Variants in DLG2 observed in about 807,000 individuals in gnomAD.
DLG2 encodes the protein disks large homolog 2.
A neutral mutation model predicts 132.5 loss-of-function variants in DLG2; 45 were observed. That is an observed-to-expected ratio of 0.34 (90% CI 0.27 to 0.44). The LOEUF is 0.44. DLG2 is among the 20% of genes least tolerant of loss of function. The pLI, the probability that DLG2 is intolerant of heterozygous loss-of-function variation, is 1.00. For missense variants in DLG2, 1,045 were observed against 1,196.9 expected, an observed-to-expected ratio of 0.87 and a Z score of 1.87; for synonymous variants, 424 against 419.6, an observed-to-expected ratio of 1.01 and a Z score of -0.13.
chr11:85,114,680 C>T (rs2073288549), intron 5 of DLG2, among the ~76,000 whole-genome samples: 1 of 151,906 alleles, frequency 6.6e-6, no homozygotes, highest in African/African-American at 2.4e-5. Context: ...TATTTCATTC[C>T]AGAATATTCT....
At chr11:84,412,430 C>T (rs945783188) in intron 7 of DLG2, among the ~76,000 whole-genome samples, 1 of 152,074 alleles carries the variant, frequency 6.6e-6, no homozygotes, top group African/African-American at 2.4e-5. Flanking sequence ...GAGGAGTGTG[C>T]GAACCCAAGT....
intron 6 of DLG2, among the ~76,000 whole-genome samples, chr11:84,976,618 T>C (rs1030969136): frequency 1.1e-4 from 17 of 152,206 alleles, no homozygotes; most frequent in Non-Finnish European, 2.5e-4. Context: ...TTCTATTTAT[T>C]ATTTTAAAGT....
chr11:84,775,626 A>G (rs780826079), intron 6 of DLG2, among the ~76,000 whole-genome samples: 8 of 152,178 alleles, frequency 5.3e-5, no homozygotes, highest in Non-Finnish European at 1.0e-4. Flanking sequence ...AGCAACATGG[A>G]TGCAGCTGAA....
At chr11:84,255,006 T>G (rs1182415810) in intron 7 of DLG2, among the ~76,000 whole-genome samples, 1 of 152,186 alleles carries the variant, frequency 6.6e-6, no homozygotes, top group Non-Finnish European at 1.5e-5. Context: ...TACCCCACTG[T>G]GCTGCTACAC....
chr11:85,565,522 C>A (rs1016726315), intron 3 of DLG2, among the ~76,000 whole-genome samples: 10 of 152,082 alleles, frequency 6.6e-5, no homozygotes, highest in African/African-American at 2.4e-4. Flanking sequence ...TTCCCCTGAC[C>A]CTTAGCCTCT....
chr11:84,183,543 T>C (rs2096198644), intron 8 of DLG2, among the ~76,000 whole-genome samples: 1 of 152,198 alleles, frequency 6.6e-6, no homozygotes, highest in South Asian at 2.1e-4. Flanking sequence ...AGAAAAAACA[T>C]AAGTAAACTT....
At chr11:84,622,849 C>T (rs544467075) in intron 6 of DLG2, among the ~76,000 whole-genome samples, 16 of 152,182 alleles carry the variant, frequency 1.1e-4, no homozygotes, top group African/African-American at 2.9e-4. Context: ...TCTGTTTTGC[C>T]GGAGATGGAG....
At chr11:85,115,445 T>C (rs1401505296) in intron 5 of DLG2, among the ~76,000 whole-genome samples, 3 of 151,970 alleles carry the variant, frequency 2.0e-5, no homozygotes, top group African/African-American at 7.2e-5. Flanking sequence ...AAAGTACTTA[T>C]TCTAAGGAGA....
At chr11:85,266,569 T>A (rs143783455) in intron 4 of DLG2, among the ~76,000 whole-genome samples, 2,219 of 151,848 alleles carry the variant, frequency 0.015, 59 homozygotes, top group African/African-American at 0.051. Flanking sequence ...ATAACAATCC[T>A]GCATGTTCTG....
At chr11:84,542,712 A>C (rs2099378748) in intron 6 of DLG2, among the ~76,000 whole-genome samples, 1 of 152,178 alleles carries the variant, frequency 6.6e-6, no homozygotes, top group African/African-American at 2.4e-5. Flanking sequence ...GGAAGAGGTA[A>C]GTGAATCTCA....
chr11:84,738,141 T>C (rs1185762174), intron 6 of DLG2, among the ~76,000 whole-genome samples: 2 of 152,172 alleles, frequency 1.3e-5, no homozygotes, highest in South Asian at 4.1e-4. Context: ...GTATCATCCA[T>C]CCTGAGAGAA....
chr11:84,571,336 C>T lies in DLG2; in HGVS notation c.358-36605G>A, dbSNP rs542956984. ...TCCCTATCTCCTTTCACTTCTCTTT[C>T]TTTTCTTTCTCCTTCCACATCTTTG... On this transcript the variant is annotated intron_variant, in intron 6 of 27. Coordinates refer to ENST00000376104, the MANE Select transcript of DLG2 (RefSeq NM_001142699.3). 4.0e-5 allele frequency among the ~76,000 whole-genome samples: 6 copies of T among 151,654 alleles called. No individual in the cohort carries two copies. In the South Asian group the frequency reaches 1.3e-3, roughly 32 times the overall value.
At chr11:83,958,386 T>C (rs1160709295) in intron 14 of DLG2, among the ~76,000 whole-genome samples, 1 of 152,150 alleles carries the variant, frequency 6.6e-6, no homozygotes, top group African/African-American at 2.4e-5. Context: ...TTTTTTTATA[T>C]GATGCTTTTT....
intron 17 of DLG2, among the ~76,000 whole-genome samples, chr11:83,801,587 T>C (rs1323761220): frequency 6.6e-6 from 1 of 152,212 alleles, no homozygotes; most frequent in Non-Finnish European, 1.5e-5. Context: ...ACTGGAGTGC[T>C]CTTACCTAGC....
intron 7 of DLG2, among the ~76,000 whole-genome samples, chr11:84,373,297 C>T (rs1021910682): frequency 1.6e-5 from 2 of 127,168 alleles, no homozygotes; most frequent in Admixed American, 7.5e-5. Context: ...AGGCCCGGCA[C>T]GGTGGCTCAC....
intron 3 of DLG2, among the ~76,000 whole-genome samples, chr11:85,504,808 T>C (rs2093890208): frequency 1.3e-5 from 2 of 152,184 alleles, no homozygotes; most frequent in Admixed American, 6.5e-5. Flanking sequence ...TTGGACAGTA[T>C]GGCCATTTTC....
intron 6 of DLG2, among the ~76,000 whole-genome samples, chr11:84,653,674 C>G (rs563699755): frequency 1.4e-4 from 21 of 152,240 alleles, no homozygotes; most frequent in Non-Finnish European, 2.6e-4. Context: ...ATCCTGCTCC[C>G]TAAGTGATAA....
At chr11:84,534,359 T>C (rs937548385) in intron 7 of DLG2, among the ~76,000 whole-genome samples, 5 of 152,200 alleles carry the variant, frequency 3.3e-5, no homozygotes, top group African/African-American at 7.2e-5. Flanking sequence ...GCAACTAAAA[T>C]GATTTTTCCA....
At chr11:84,653,477 T>C (rs1363926197) in intron 6 of DLG2, among the ~76,000 whole-genome samples, 2 of 152,198 alleles carry the variant, frequency 1.3e-5, no homozygotes, top group Non-Finnish European at 2.9e-5. Context: ...AGTTTCCATA[T>C]TCCTGCCTCC....
Sources: gnomAD v4.1 joint callset for allele counts (sites outside exome capture counted in the v4.1 genomes callset) on GRCh38, gnomAD v4.1.1 for gene constraint, MANE v1.5 for transcripts, NCBI Gene and HGNC (gene_info 2026-07-23, HGNC 2026-07-21) for gene names.